Variants in SLC17A2 observed in about 807,000 individuals in gnomAD.
The protein encoded by SLC17A2 is solute carrier family 17 member 2.
SLC17A2 carries 38 observed loss-of-function variants against 52.1 expected under a neutral mutation model. The ratio of observed to expected loss-of-function variants is 0.73; its 90% CI spans 0.56 to 0.96. The LOEUF (loss-of-function observed/expected upper bound fraction) is 0.96. SLC17A2 is among the 40% of genes least tolerant of loss of function. The pLI is 0.00. For missense variants in SLC17A2, 508 were observed against 583.9 expected, an observed-to-expected ratio of 0.87 and a Z score of 1.34; for synonymous variants, 226 against 211.9, an observed-to-expected ratio of 1.07 and a Z score of -0.58.
intron 11 of SLC17A2, among the ~76,000 whole-genome samples, chr6:25,914,251 C>T (rs1393710876): frequency 6.6e-6 from 1 of 152,154 alleles, no homozygotes; most frequent in Non-Finnish European, 1.5e-5. Context: ...TCTTTTGCCC[C>T]TCTGTCTTCG....
chr6:25,924,508 TA>T (rs201389996), intron 2 of SLC17A2, among the ~76,000 whole-genome samples: 1,679 of 138,786 alleles, frequency 0.012, 15 homozygotes, highest in Middle Eastern at 0.056. Flanking sequence ...ATGTTCAACT[TA>T]AAAAAAAAAA....
rs1188692027 is a variant in SLC17A2 at position 25,913,363 on chromosome 6, G to A, written c.1391C>T (p.Ala464Val). The A allele has an allele frequency of 1.2e-6, 2 of 1,614,022 alleles. No individual in the cohort carries two copies. Among genetic ancestry groups the A allele is most frequent in the East Asian group, 2.2e-5 (1 of 44,874 alleles). The change falls in exon 12 of 12, where the codon GCA becomes GTA. Residue 464 changes from alanine (A) to valine (V), a missense_variant. Ala to Val is a moderately conservative substitution (Grantham distance 64). Transcript: ENST00000377850. ...GLVFYLTFGQ[A>V]ELQDWAKERT... ...CTCTTTGGCCCAGTCTTGAAGTTCT[G>A]CTTGTCCAAACGTGAGGTAAAAGAC...
intron 11 of SLC17A2, among the ~76,000 whole-genome samples, chr6:25,913,803 T>C (rs540156532): frequency 1.3e-5 from 2 of 149,804 alleles, no homozygotes; most frequent in East Asian, 3.9e-4. Flanking sequence ...TTGCTGTTTG[T>C]TTTGTTTTTT....
At chr6:25,919,709 AAAAAAAAAAAAAAAAAAAG>A (rs1766476412) in intron 5 of SLC17A2, among the ~76,000 whole-genome samples, 1 of 146,868 alleles carries the variant, frequency 6.8e-6, no homozygotes, top group Non-Finnish European at 1.5e-5. Flanking sequence ...CAAAAAAAAA[AAAAAAAAAAAAAAAAAAAG>A]GTTTAGGAAG....
In SLC17A2 at chr6:25,919,886, A is replaced by G. The variant is rs1051103283; in HGVS notation, c.562+1120T>C. On this transcript the variant is annotated intron_variant, in intron 5 of 11. Coordinates refer to ENST00000377850, the MANE Select transcript of SLC17A2 (RefSeq NM_001286123.3). ...TGGAGAGCAGCCAATGTCCAGTGCC[A>G]CTGGAGCCATGCTTGCACAGGGGAG... Among the ~76,000 whole-genome samples, 24 of 152,214 alleles carry G rather than the reference A, an allele frequency of 1.6e-4. No homozygotes were observed. In the East Asian group the frequency reaches 4.6e-3, roughly 29 times the overall value.
chr6:25,928,873 T>A (rs1766854666), intron 1 of SLC17A2, among the ~76,000 whole-genome samples: 1 of 152,052 alleles, frequency 6.6e-6, no homozygotes. Context: ...GCCAAAGTTG[T>A]AAGTAGACAC....
At chr6:25,914,514 C>CCA in intron 11 of SLC17A2, 66 bp downstream of exon 11, 1 of 977,462 alleles carries the variant, frequency 1.0e-6, no homozygotes, top group Non-Finnish European at 1.7e-6. Flanking sequence ...CTTTAGAGCA[C>CCA]CGTGTGTATC....
chr6:25,914,104 G>A (rs1419970734), intron 11 of SLC17A2, among the ~76,000 whole-genome samples: 1 of 152,026 alleles, frequency 6.6e-6, no homozygotes, highest in Admixed American at 6.6e-5. Flanking sequence ...TCCAAACACC[G>A]AGCAAGCCTC....
chr6:25,915,965 C>T, intron 8 of SLC17A2, 97 bp from the exon 9 acceptor site: 2 of 1,185,108 alleles, frequency 1.7e-6, no homozygotes, highest in Non-Finnish European at 1.2e-6. Flanking sequence ...CCCCATGATA[C>T]TGTGGGTTGT....
At position 25,921,191 on chromosome 6, in the gene SLC17A2, C is replaced by T; in HGVS notation, c.462G>A (p.Gln154=). 1 of 1,614,142 alleles carries T rather than the reference C, an allele frequency of 6.2e-7. No homozygotes were observed. Among genetic ancestry groups the T allele is most frequent in the East Asian group, 2.2e-5 (1 of 44,882 alleles). Residue 154 remains glutamine (Q), a synonymous_variant, in exon 4 of 12, where the codon CAG becomes CAA. Transcript: ENST00000377850. ...AGTATCTGGATACCTGGGCCATGCCCTGGACTGTCCGAACCATGATGACCA... is the reference window on the plus strand; with the variant it reads ...AGTATCTGGATACCTGGGCCATGCCTTGGACTGTCCGAACCATGATGACCA... The part of the protein sequence containing the change: ...VILVIMVRTV[Q]GMAQGMAWTG...
chr6:25,921,068 G>A lies in SLC17A2; in HGVS notation c.500C>T (p.Thr167Ile). The change falls in exon 5 of 12, where the codon ACT becomes ATT. Residue 167 changes from threonine to isoleucine, a missense_variant. By Grantham distance (89) the Thr-to-Ile change is moderately conservative. Coordinates refer to ENST00000377850, the MANE Select transcript of SLC17A2 (RefSeq NM_001286123.3). ...TGGAGGAGCCCACTTTGCCCAAATA[G>A]TAAACTGACCTGTCCATGCCATTCC... is the stretch of plus-strand genomic sequence containing the variant. ...AQGMAWTGQF[T>I]IWAKWAPPLE... The A allele has an allele frequency of 6.2e-7, 1 of 1,614,184 alleles. No individual in the cohort carries two copies. The highest frequency in any genetic ancestry group is 8.5e-7 in the Non-Finnish European group (1 of 1,180,020).
chr6:25,915,875 G>A lies in SLC17A2; in HGVS notation c.931-7C>T, dbSNP rs757775678. 4 of 1,612,774 alleles carry A rather than the reference G, an allele frequency of 2.5e-6. No individual in the cohort carries two copies. Among genetic ancestry groups the A allele is most frequent in the Non-Finnish European group, 3.4e-6 (4 of 1,179,602 alleles). On this transcript the variant is annotated splice_region_variant and splice_polypyrimidine_tract_variant and intron_variant, in intron 8 of 11. Coordinates refer to ENST00000377850, the MANE Select transcript of SLC17A2 (RefSeq NM_001286123.3). ...GGGAGGACAGAACTCCACTCTGAAGGAAGGAAGTTTATACAGAGTAGTTAT... is the reference window on the plus strand; with the variant it reads ...GGGAGGACAGAACTCCACTCTGAAGAAAGGAAGTTTATACAGAGTAGTTAT...
In SLC17A2 at chr6:25,915,749, G is replaced by T. The variant is rs758568508; in HGVS notation, c.1050C>A (p.Leu350=). The T allele has an allele frequency of 4.3e-6, 7 of 1,614,076 alleles. No homozygotes were observed. Among genetic ancestry groups the T allele is most frequent in the South Asian group, 3.3e-5 (3 of 91,058 alleles). Residue 350 remains leucine, a synonymous_variant, in exon 9 of 12, where the codon CTC becomes CTA. Coordinates refer to ENST00000377850, the MANE Select transcript of SLC17A2 (RefSeq NM_001286123.3). The stretch of plus-strand genomic sequence containing the variant: ...GCTTATCCTTACCAAGAGATGAAAA[G>T]AGCTTTCGCACAGTGATCAATCTGA... ...NLLRLITVRK[L]FSSLGLLLPS...
At chr6:25,920,343 A>G (rs1482584089) in intron 5 of SLC17A2, among the ~76,000 whole-genome samples, 1 of 152,172 alleles carries the variant, frequency 6.6e-6, no homozygotes, top group African/African-American at 2.4e-5. Context: ...AGGATCACAT[A>G]CCATGGAAAG....
intron 3 of SLC17A2, among the ~76,000 whole-genome samples, chr6:25,921,953 A>G (rs1561879844): frequency 6.6e-6 from 1 of 151,944 alleles, no homozygotes; most frequent in Non-Finnish European, 1.5e-5. Flanking sequence ...TTATTTTAAA[A>G]TAACTACCTA....
At chr6:25,914,415 C>T in intron 11 of SLC17A2, 165 bp downstream of exon 11, 1 of 602,898 alleles carries the variant, frequency 1.7e-6, no homozygotes, top group Non-Finnish European at 3.0e-6. Flanking sequence ...AGAAAATAAG[C>T]TTATATTTTT....
At chr6:25,919,514 T>G (rs952916745) in intron 5 of SLC17A2, among the ~76,000 whole-genome samples, 67 of 151,522 alleles carry the variant, frequency 4.4e-4, no homozygotes, top group Non-Finnish European at 2.2e-4. Context: ...GAGACCATCC[T>G]GGCTTGAAAC....
chr6:25,929,497 T>A (rs1252784415), intron 1 of SLC17A2, among the ~76,000 whole-genome samples: 1 of 152,198 alleles, frequency 6.6e-6, no homozygotes, highest in East Asian at 1.9e-4. Context: ...AAAGTGCCTT[T>A]GATTGGTTGT....
chr6:25,927,438 G>A (rs1429876923), intron 1 of SLC17A2, among the ~76,000 whole-genome samples: 3 of 152,148 alleles, frequency 2.0e-5, no homozygotes, highest in Non-Finnish European at 2.9e-5. Flanking sequence ...TCCACATACA[G>A]GAATAGAAAC....
Sources: gnomAD v4.1 joint callset for allele counts (sites outside exome capture counted in the v4.1 genomes callset) on GRCh38, gnomAD v4.1.1 for gene constraint, MANE v1.5 for transcripts, NCBI Gene and HGNC (gene_info 2026-07-23, HGNC 2026-07-21) for gene names.